The following IFT43 variants were observed in gnomAD, a reference collection of about 807,000 sequenced individuals.
IFT43 encodes intraflagellar transport protein 43 homolog.
In IFT43, 33 loss-of-function variants were observed where a neutral mutation model predicts 32.3. The observed-to-expected ratio is 1.02, with a 90% CI of 0.77 to 1.37. IFT43 has a LOEUF of 1.37. IFT43 is among the 40% of genes most tolerant of loss of function. IFT43 has a pLI of 0.00. For synonymous variants in IFT43, 93 were observed against 98.2 expected, an observed-to-expected ratio of 0.95 and a Z score of 0.31; for missense variants, 274 against 265.9, an observed-to-expected ratio of 1.03 and a Z score of -0.21.
chr14:76,058,399 C>G (rs2037066402), intron 3 of IFT43: 1 of 458,116 alleles, frequency 2.2e-6, no homozygotes, highest in African/African-American at 2.0e-5. Flanking sequence ...CTCGCTCAAC[C>G]TGCACTTACA....
intron 1 of IFT43, chr14:75,986,373 A>G: frequency 1.0e-6 from 1 of 997,228 alleles, no homozygotes; most frequent in South Asian, 1.8e-5. Flanking sequence ...ACCAAGACCG[A>G]TTTGTAACGT....
At chr14:76,018,016 T>G (rs943132321) in intron 2 of IFT43, among the ~76,000 whole-genome samples, 2 of 152,058 alleles carry the variant, frequency 1.3e-5, no homozygotes, top group Non-Finnish European at 2.9e-5. Context: ...GTTTCATTGA[T>G]CGTTTGTATT....
chr14:76,034,561 TAGG>T (rs2036565664), intron 3 of IFT43, among the ~76,000 whole-genome samples: 1 of 152,146 alleles, frequency 6.6e-6, no homozygotes, highest in Non-Finnish European at 1.5e-5. Flanking sequence ...GCAAAGAAGG[TAGG>T]AGGAAAGTGT....
chr14:76,035,213 T>A (rs1270636595), intron 3 of IFT43, among the ~76,000 whole-genome samples: 3 of 152,194 alleles, frequency 2.0e-5, no homozygotes, highest in Non-Finnish European at 4.4e-5. Flanking sequence ...AGTTTATTGA[T>A]GAACGGCAGG....
At chr14:76,004,580 A>G (rs114835787) in intron 2 of IFT43, among the ~76,000 whole-genome samples, 2,054 of 152,294 alleles carry the variant, frequency 0.013, 51 homozygotes, top group African/African-American at 0.043. Context: ...CCCCAGATTT[A>G]GAAAGTCTTA....
At chr14:76,025,795 A>G (rs1252781776) in intron 3 of IFT43, among the ~76,000 whole-genome samples, 1 of 152,224 alleles carries the variant, frequency 6.6e-6, no homozygotes, top group African/African-American at 2.4e-5. Flanking sequence ...TACAAAAATT[A>G]ACTCAATATG....
At chr14:76,009,823 C>T (rs1378768197) in intron 2 of IFT43, among the ~76,000 whole-genome samples, 1 of 149,664 alleles carries the variant, frequency 6.7e-6, no homozygotes, top group Non-Finnish European at 1.5e-5. Context: ...GAGACAGAGT[C>T]TTGCTGTGTC....
At chr14:75,989,348 G>C (rs565926135) in intron 2 of IFT43, among the ~76,000 whole-genome samples, 1 of 152,200 alleles carries the variant, frequency 6.6e-6, no homozygotes, top group East Asian at 1.9e-4. Context: ...CATTGCTCTC[G>C]GTGGTGACCT....
intron 3 of IFT43, among the ~76,000 whole-genome samples, chr14:76,040,318 C>T (rs1159314313): frequency 6.6e-6 from 1 of 152,166 alleles, no homozygotes; most frequent in Non-Finnish European, 1.5e-5. Context: ...TAATGATAGG[C>T]AGGCAATACA....
At chr14:76,083,833 C>T (rs1046923146), downstream of IFT43, 17 of 626,664 alleles carry the variant, frequency 2.7e-5, no homozygotes, top group Non-Finnish European at 4.4e-5. Context: ...ACTCAGAACT[C>T]GCGGCCTTGT....
At chr14:76,071,384 C>T (rs552306935) in intron 5 of IFT43, among the ~76,000 whole-genome samples, 113 of 152,342 alleles carry the variant, frequency 7.4e-4, no homozygotes, top group Non-Finnish European at 1.2e-3. Context: ...CAGTGATTCT[C>T]ACCATCTTAC....
intron 2 of IFT43, among the ~76,000 whole-genome samples, chr14:76,018,303 G>A (rs1566709760): frequency 6.6e-6 from 1 of 151,664 alleles, no homozygotes; most frequent in South Asian, 2.1e-4. Flanking sequence ...TTTCTTCATT[G>A]ATCCAGTGGT....
At chr14:76,063,309 TGCCCAGGCTTGTGGA>T (rs1240623037) in intron 5 of IFT43, among the ~76,000 whole-genome samples, 6 of 152,248 alleles carry the variant, frequency 3.9e-5, no homozygotes, top group African/African-American at 1.2e-4. Context: ...TGCTCAAGTC[TGCCCAGGCTTGTGGA>T]GTTTCACCCT....
chr14:76,076,530 C>G, intron 5 of IFT43: 1 of 1,603,032 alleles, frequency 6.2e-7, no homozygotes, highest in Non-Finnish European at 8.5e-7. Flanking sequence ...AGGTGAAGAG[C>G]TGGGTAGTGC....
intron 5 of IFT43, among the ~76,000 whole-genome samples, chr14:76,076,321 A>T (rs1478497507): frequency 6.6e-6 from 1 of 152,224 alleles, no homozygotes; most frequent in Admixed American, 6.5e-5. Flanking sequence ...AAGAGACTTT[A>T]TGTAGTTCTC....
intron 5 of IFT43, among the ~76,000 whole-genome samples, chr14:76,069,070 C>T (rs1442666398): frequency 1.3e-5 from 2 of 152,166 alleles, no homozygotes; most frequent in Non-Finnish European, 2.9e-5. Flanking sequence ...AGATGCTCAA[C>T]TGGCTCATGG....
chr14:75,986,172 AGGGGAGCCCCG>A (rs757025225), intron 1 of IFT43: 2 of 1,336,304 alleles, frequency 1.5e-6, no homozygotes, highest in South Asian at 2.5e-5. Flanking sequence ...ACAGGGTGAT[AGGGGAGCCCCG>A]GCCGGGGTCG....
At chr14:76,064,089 G>T (rs191335971) in intron 5 of IFT43, among the ~76,000 whole-genome samples, 12 of 152,250 alleles carry the variant, frequency 7.9e-5, no homozygotes, top group African/African-American at 2.6e-4. Flanking sequence ...CTAAGATTTA[G>T]TAAGACCATA....
At chr14:76,051,331 A>G (rs2036910272) in intron 3 of IFT43, among the ~76,000 whole-genome samples, 1 of 151,304 alleles carries the variant, frequency 6.6e-6, no homozygotes, top group Non-Finnish European at 1.5e-5. Flanking sequence ...CTGTTGGACA[A>G]GGAAAACTTC....
Sources: allele counts gnomAD v4.1 joint callset (sites outside exome capture counted in the v4.1 genomes callset), GRCh38; gene constraint gnomAD v4.1.1; transcripts MANE v1.5; gene names NCBI Gene and HGNC (gene_info 2026-07-23, HGNC 2026-07-21).